PTPRJ: variants seen among roughly 807,000 people sequenced by gnomAD.
PTPRJ encodes the protein receptor-type tyrosine-protein phosphatase eta.
A neutral mutation model predicts 141.3 loss-of-function variants in PTPRJ; 129 were observed. That is an observed-to-expected ratio of 0.91 (90% confidence interval 0.79 to 1.06). The LOEUF (loss-of-function observed/expected upper bound fraction) is 1.06, where lower values mean the gene tolerates loss of function less well. Among genes scored for constraint, PTPRJ ranks in the 50% least tolerant of loss-of-function variants. The probability of loss-of-function intolerance (pLI) is 0.00; values close to 1 mark genes in which losing one functional copy is unlikely to be tolerated. For synonymous variants in PTPRJ, 610 were observed against 640.5 expected (o/e 0.95, Z 0.72); for missense variants, 1,601 against 1,679.7 (o/e 0.95, Z 0.82).
Position 48,146,939 on chromosome 11 carries a change from G to C in PTPRJ, c.2975G>C (p.Gly992Ala), listed in dbSNP as rs1443048088. The C allele has an allele frequency of 2.7e-5, 44 of 1,613,952 alleles. No homozygotes were observed. Among genetic ancestry groups the C allele is most frequent in the Non-Finnish European group, 3.6e-5 (43 of 1,179,976 alleles). The part of the protein sequence containing the change: ...FGALVIVTVG[G>A]FIFWRKKRKD... The stretch of plus-strand genomic sequence containing the variant: ...GCCCTGGTTATTGTGACTGTGGGAG[G>C]CTTCATCTTCTGGAGAAAGAAGAGG... Residue 992 changes from glycine to alanine, a missense_variant, in exon 15 of 25, where the codon GGC becomes GCC. By Grantham distance (60) the Gly-to-Ala change is moderately conservative. Transcript: ENST00000418331.
intron 3 of PTPRJ, among the ~76,000 whole-genome samples, chr11:48,118,254 T>A (rs1165181523): frequency 1.3e-5 from 2 of 152,184 alleles, no homozygotes; most frequent in Admixed American, 6.5e-5. Context: ...AGCTAACTTT[T>A]AAAATTTTTT....
At chr11:48,028,155 G>A (rs1565265117) in intron 1 of PTPRJ, among the ~76,000 whole-genome samples, 1 of 152,216 alleles carries the variant, frequency 6.6e-6, no homozygotes, top group Non-Finnish European at 1.5e-5. Flanking sequence ...GTCTTGGTTT[G>A]TTGTTCTGTT....
chr11:48,012,692 C>G (rs1197631389), intron 1 of PTPRJ, among the ~76,000 whole-genome samples: 1 of 152,116 alleles, frequency 6.6e-6, no homozygotes, highest in African/African-American at 2.4e-5. Flanking sequence ...TCTCATCCAT[C>G]TTCATATCCT....
chr11:48,046,914 T>TATATATATATATA (rs1565274954), intron 1 of PTPRJ, among the ~76,000 whole-genome samples: 4 of 59,666 alleles, frequency 6.7e-5, no homozygotes, highest in African/African-American at 3.3e-4. Flanking sequence ...ATATATATAT[T>TATATATATATATA]TTTTTTTTTT....
rs149811052 is a variant in PTPRJ at position 48,137,852 on chromosome 11, G to A, written c.2152+571G>A. On this transcript the variant is annotated intron_variant, in intron 10 of 24. Coordinates refer to ENST00000418331, the MANE Select transcript of PTPRJ (RefSeq NM_002843.4). Reference sequence around the variant, plus strand: ...TCTTTTGTGCTGGAGAAGATGAAAAGTTTATTGAAATGATGCCCAGCCTTT... The same window carrying A: ...TCTTTTGTGCTGGAGAAGATGAAAAATTTATTGAAATGATGCCCAGCCTTT... Among the ~76,000 whole-genome samples the A allele has an allele frequency of 4.4e-3, 666 of 152,296 alleles. 4 individuals are homozygous for A. Among genetic ancestry groups the A allele is most frequent in the African/African-American group, 0.015 (630 of 41,556 alleles).
chr11:48,152,534 C>T lies in PTPRJ; in HGVS notation c.3139-1262C>T, dbSNP rs977792189. 1.2e-4 allele frequency among the ~76,000 whole-genome samples: 19 copies of T among 152,296 alleles called. No homozygotes were observed. The East Asian group carries it at 1.5e-3, about 12-fold the overall frequency. On this transcript the variant is annotated intron_variant, in intron 18 of 24. Transcript: ENST00000418331. ...TAAAGTCCTTGCCCATGCCTATGTC[C>T]TGAATAGTATTGCCTAGGTTTTCTT...
intron 1 of PTPRJ, among the ~76,000 whole-genome samples, chr11:48,056,262 G>A (rs750936355): frequency 2.0e-5 from 3 of 152,166 alleles, no homozygotes; most frequent in African/African-American, 4.8e-5. Context: ...CAGTAAATAC[G>A]TTTCAGCCAG....
At chr11:48,070,447 G>A (rs879395166) in intron 1 of PTPRJ, among the ~76,000 whole-genome samples, 1 of 150,632 alleles carries the variant, frequency 6.6e-6, no homozygotes, top group Non-Finnish European at 1.5e-5. Flanking sequence ...GTTGCAGTGA[G>A]CTGAGATTGC....
At chr11:48,087,109 A>G (rs1459882800) in intron 1 of PTPRJ, among the ~76,000 whole-genome samples, 1 of 152,204 alleles carries the variant, frequency 6.6e-6, no homozygotes, top group Non-Finnish European at 1.5e-5. Context: ...TTATTCTAAA[A>G]CTAAAATGCT....
intron 1 of PTPRJ, among the ~76,000 whole-genome samples, chr11:48,053,926 C>T (rs1286543688): frequency 6.5e-5 from 7 of 106,932 alleles, no homozygotes; most frequent in Admixed American, 1.4e-4. Context: ...TCTGGCACCT[C>T]GTTCTTTTTT....
At chr11:48,037,781 C>T (rs1854164497) in intron 1 of PTPRJ, among the ~76,000 whole-genome samples, 1 of 151,990 alleles carries the variant, frequency 6.6e-6, no homozygotes, top group South Asian at 2.1e-4. Flanking sequence ...CCATTGCACT[C>T]CAGCCTGGGC....
At chr11:47,981,494 A>G (rs1475933834) in intron 1 of PTPRJ, among the ~76,000 whole-genome samples, 3 of 152,128 alleles carry the variant, frequency 2.0e-5, no homozygotes, top group Non-Finnish European at 2.9e-5. Context: ...GGCGCTGGGC[A>G]GTGGGGCCCT....
At chr11:47,982,758 G>A (rs1280102305) in intron 1 of PTPRJ, among the ~76,000 whole-genome samples, 2 of 151,812 alleles carry the variant, frequency 1.3e-5, no homozygotes, top group African/African-American at 4.8e-5. Flanking sequence ...TCAGCAAAAA[G>A]TTTCTTGGGT....
intron 1 of PTPRJ, among the ~76,000 whole-genome samples, chr11:48,012,956 T>G (rs1854846508): frequency 6.6e-6 from 1 of 151,722 alleles, no homozygotes; most frequent in African/African-American, 2.4e-5. Flanking sequence ...AATACAAAAA[T>G]TAACCGGGTG....
At chr11:48,126,290 C>A (rs1295077718) in intron 6 of PTPRJ, among the ~76,000 whole-genome samples, 1 of 152,062 alleles carries the variant, frequency 6.6e-6, no homozygotes, top group Non-Finnish European at 1.5e-5. Context: ...GATTACATCT[C>A]AGGCTCTTGG....
intron 1 of PTPRJ, among the ~76,000 whole-genome samples, chr11:48,045,487 C>G (rs986379278): frequency 6.6e-6 from 1 of 152,198 alleles, no homozygotes; most frequent in Non-Finnish European, 1.5e-5. Flanking sequence ...GTGGGAGTGT[C>G]TCTTTGTCCA....
chr11:48,018,169 C>T (rs1181934334), intron 1 of PTPRJ, among the ~76,000 whole-genome samples: 1 of 149,944 alleles, frequency 6.7e-6, no homozygotes, highest in Non-Finnish European at 1.5e-5. Context: ...TATTTCCTTC[C>T]TGTTTTTTTT....
At chr11:48,124,927 T>G (rs933430246) in intron 5 of PTPRJ, 41 bp from the exon 6 acceptor site, 4 of 1,598,520 alleles carry the variant, frequency 2.5e-6, no homozygotes, top group Non-Finnish European at 3.4e-6. Context: ...GATGTGTCCC[T>G]CTTGTGGTTG....
intron 1 of PTPRJ, among the ~76,000 whole-genome samples, chr11:48,060,588 G>C (rs1001778687): frequency 1.3e-5 from 2 of 152,194 alleles, no homozygotes; most frequent in African/African-American, 2.4e-5. Context: ...AGGGGCTCCT[G>C]TTAATTTTAG....
Sources: gnomAD v4.1 joint callset for allele counts (sites outside exome capture counted in the v4.1 genomes callset) on GRCh38, gnomAD v4.1.1 for gene constraint, MANE v1.5 for transcripts, NCBI Gene and HGNC (gene_info 2026-07-23, HGNC 2026-07-21) for gene names.